SLC5A1: variants seen among roughly 807,000 people sequenced by gnomAD.
SLC5A1 encodes the protein sodium/glucose cotransporter 1.
Under a neutral mutation model 73.5 loss-of-function variants are expected in SLC5A1, and 42 were observed. The ratio of observed to expected loss-of-function variants is 0.57; its 90% CI spans 0.45 to 0.74. SLC5A1 has a LOEUF of 0.74. SLC5A1 is among the 30% of genes least tolerant of loss of function. The pLI, the probability that SLC5A1 is intolerant of heterozygous loss-of-function variation, is 0.00. For synonymous variants in SLC5A1, 300 were observed against 317.4 expected (o/e 0.95, Z 0.58); for missense variants, 634 against 855.4 (o/e 0.74, Z 3.23).
intron 2 of SLC5A1, among the ~76,000 whole-genome samples, chr22:32,060,267 C>A (rs1469949736): frequency 6.6e-6 from 1 of 152,076 alleles, no homozygotes; most frequent in Non-Finnish European, 1.5e-5. Flanking sequence ...TCTCGGCTCA[C>A]TGCAACCTCT....
Position 32,107,752 on chromosome 22 carries a change from G to A in SLC5A1, c.1772-2238G>A, listed in dbSNP as rs75319343. 3.2e-3 allele frequency among the ~76,000 whole-genome samples: 483 copies of A among 152,272 alleles called. 1 individual carries two copies. Among genetic ancestry groups the A allele is most frequent in the African/African-American group, 0.011 (460 of 41,550 alleles). ...CACTCAAATTCTGTTGTGTCTTCAT[G>A]AACTTAGGGTGAAATCAGACTGAAC... On this transcript the variant is annotated intron_variant, in intron 14 of 14. Coordinates refer to ENST00000266088, the MANE Select transcript of SLC5A1 (RefSeq NM_000343.4).
intron 2 of SLC5A1, among the ~76,000 whole-genome samples, chr22:32,053,830 A>C (rs1225184759): frequency 8.5e-5 from 13 of 152,218 alleles, no homozygotes; most frequent in Non-Finnish European, 1.8e-4. Context: ...CTCTTAGGAC[A>C]CTATATAGTT....
At chr22:32,057,682 C>T (rs2093953901) in intron 2 of SLC5A1, among the ~76,000 whole-genome samples, 1 of 152,162 alleles carries the variant, frequency 6.6e-6, no homozygotes, top group African/African-American at 2.4e-5. Flanking sequence ...TCACTTTCTT[C>T]TTCTGGGCTA....
rs530920503 is a variant in SLC5A1, at chr22:32,099,933, A to G, written c.1449+582A>G. ...AAACAAAGTGCGTAAGAAGTAAGGGATACAATACAGCACATGATATGAGCA... is the reference window on the plus strand; with the variant it reads ...AAACAAAGTGCGTAAGAAGTAAGGGGTACAATACAGCACATGATATGAGCA... On this transcript the variant is annotated intron_variant, in intron 12 of 14. Transcript: ENST00000266088. 2.6e-5 allele frequency among the ~76,000 whole-genome samples: 4 copies of G among 152,346 alleles called. No homozygotes were observed. In the East Asian group the frequency reaches 7.7e-4, roughly 29 times the overall value.
chr22:32,073,093 T>G, intron 5 of SLC5A1, among the ~76,000 whole-genome samples: 1 of 152,244 alleles, frequency 6.6e-6, no homozygotes, highest in Non-Finnish European at 1.5e-5. Context: ...TTGGTGTCAT[T>G]TCTAAGAATC....
At chr22:32,052,529 G>C (rs999577605) in intron 2 of SLC5A1, among the ~76,000 whole-genome samples, 1 of 152,076 alleles carries the variant, frequency 6.6e-6, no homozygotes, top group Non-Finnish European at 1.5e-5. Context: ...AGAGAGGCAG[G>C]GATGCACTCC....
intron 11 of SLC5A1, among the ~76,000 whole-genome samples, chr22:32,096,963 T>A (rs922035486): frequency 1.3e-5 from 2 of 152,244 alleles, no homozygotes; most frequent in African/African-American, 4.8e-5. Flanking sequence ...AGAGGATCTT[T>A]ACTCTGAACC....
intron 1 of SLC5A1, among the ~76,000 whole-genome samples, chr22:32,046,314 C>T (rs2093937099): frequency 6.6e-6 from 1 of 152,028 alleles, no homozygotes; most frequent in Non-Finnish European, 1.5e-5. Context: ...CTCCATGGTC[C>T]TTACTATCAT....
chr22:32,076,906 G>A (rs746941916), intron 5 of SLC5A1, among the ~76,000 whole-genome samples: 5 of 152,182 alleles, frequency 3.3e-5, no homozygotes, highest in Admixed American at 1.3e-4. Flanking sequence ...AATTTTCAAC[G>A]TGATGGGAAC....
chr22:32,059,869 A>G (rs2093957754), intron 2 of SLC5A1, among the ~76,000 whole-genome samples: 1 of 152,000 alleles, frequency 6.6e-6, no homozygotes, highest in Non-Finnish European at 1.5e-5. Flanking sequence ...TGATGGTATC[A>G]TGGAAGTCTT....
intron 2 of SLC5A1, among the ~76,000 whole-genome samples, chr22:32,065,040 C>T (rs994401400): frequency 6.6e-6 from 1 of 152,142 alleles, no homozygotes; most frequent in African/African-American, 2.4e-5. Context: ...AGGTCCTGGG[C>T]TCAATTGATC....
intron 11 of SLC5A1, among the ~76,000 whole-genome samples, chr22:32,094,297 T>C (rs2094022861): frequency 1.3e-5 from 2 of 152,174 alleles, no homozygotes; most frequent in African/African-American, 4.8e-5. Context: ...TGGTCTGTAG[T>C]TGTCTTTTTT....
At chr22:32,067,670 C>G (rs1208783061) in intron 3 of SLC5A1, among the ~76,000 whole-genome samples, 3 of 151,996 alleles carry the variant, frequency 2.0e-5, no homozygotes, top group Non-Finnish European at 4.4e-5. Context: ...ATTATTAAAG[C>G]TCTCTAAATG....
chr22:32,054,919 C>T (rs564698790), intron 2 of SLC5A1, among the ~76,000 whole-genome samples: 7 of 152,234 alleles, frequency 4.6e-5, no homozygotes, highest in African/African-American at 1.4e-4. Context: ...ATGTGATCTG[C>T]CCACCTTGGC....
chr22:32,099,099 AAAAAAAAT>A (rs1341351826), intron 11 of SLC5A1, 76 bp from the exon 12 acceptor site: 70 of 160,342 alleles, frequency 4.4e-4, no homozygotes, highest in Admixed American at 1.2e-3. Context: ...AAAAAAAAAA[AAAAAAAAT>A]ATATATATAT....
intron 2 of SLC5A1, among the ~76,000 whole-genome samples, chr22:32,060,199 A>ATT (rs200047863): frequency 6.1e-4 from 84 of 136,654 alleles, no homozygotes; most frequent in African/African-American, 2.1e-3. Flanking sequence ...ATATATATAT[A>ATT]TTTTTTTAAG....
At chr22:32,068,057 G>T in intron 4 of SLC5A1, 31 bp downstream of exon 4, 1 of 1,600,106 alleles carries the variant, frequency 6.2e-7, no homozygotes, top group Non-Finnish European at 8.6e-7. Context: ...TTCATTTCCT[G>T]CTGGCAAATG....
At chr22:32,085,417 C>T (rs536078948) in intron 9 of SLC5A1, among the ~76,000 whole-genome samples, 4 of 152,212 alleles carry the variant, frequency 2.6e-5, no homozygotes, top group East Asian at 1.9e-4. Flanking sequence ...TAAGCCACCA[C>T]GCCTGGCCCT....
intron 2 of SLC5A1, among the ~76,000 whole-genome samples, chr22:32,051,310 A>G (rs1429151454): frequency 1.3e-5 from 2 of 152,180 alleles, no homozygotes; most frequent in East Asian, 3.8e-4. Flanking sequence ...AGTCTCCTCT[A>G]TAATGTGGAG....
Sources: gnomAD v4.1 joint callset for allele counts (sites outside exome capture counted in the v4.1 genomes callset) on GRCh38, gnomAD v4.1.1 for gene constraint, MANE v1.5 for transcripts, NCBI Gene and HGNC (gene_info 2026-07-23, HGNC 2026-07-21) for gene names.